The following KANSL1 variants were observed in gnomAD, a reference collection of about 807,000 sequenced individuals.
KANSL1 encodes the protein KAT8 regulatory NSL complex subunit 1, also known as MLL1/MLL complex subunit KANSL1.
Under a neutral mutation model 103.6 loss-of-function variants are expected in KANSL1, and 22 were observed. That is an observed-to-expected ratio of 0.21 (90% CI 0.15 to 0.30). KANSL1 has a LOEUF of 0.30. KANSL1 is among the 10% of genes least tolerant of loss of function. The pLI is 1.00. For synonymous variants in KANSL1, 600 were observed against 527.6 expected (o/e 1.14, Z -1.88); for missense variants, 1,337 against 1,399.8 (o/e 0.96, Z 0.72).
At chr17:46,186,241 A>C (rs1487889789) in intron 1 of KANSL1, among the ~76,000 whole-genome samples, 2 of 151,496 alleles carry the variant, frequency 1.3e-5, no homozygotes, top group South Asian at 2.1e-4. Flanking sequence ...AAATTAGCTG[A>C]GCATGATGGC....
At chr17:46,113,962 T>A (rs1308934014) in intron 2 of KANSL1, among the ~76,000 whole-genome samples, 1 of 152,188 alleles carries the variant, frequency 6.6e-6, no homozygotes, top group Non-Finnish European at 1.5e-5. Context: ...TCTCAATTTT[T>A]AAATGAGTAA....
intron 4 of KANSL1, among the ~76,000 whole-genome samples, chr17:46,068,358 GT>G (rs1568411995): frequency 6.6e-6 from 1 of 151,132 alleles, no homozygotes; most frequent in Non-Finnish European, 1.5e-5. Flanking sequence ...GAGCCCAGGG[GT>G]TCAAGACCAG....
At chr17:46,056,515 GATAA>G (rs2077936201) in intron 6 of KANSL1, among the ~76,000 whole-genome samples, 1 of 152,134 alleles carries the variant, frequency 6.6e-6, no homozygotes, top group South Asian at 2.1e-4. Flanking sequence ...TTGTTTTAAA[GATAA>G]ATAACTCACA....
chr17:46,088,676 C>G (rs2079257892), intron 3 of KANSL1: 1 of 152,508 alleles, frequency 6.6e-6, no homozygotes, highest in African/African-American at 2.4e-5. Context: ...GAGTTTGAGA[C>G]CAGCCTGGAC....
intron 2 of KANSL1, chr17:46,121,329 T>G (rs1250909974): frequency 6.6e-6 from 1 of 152,380 alleles, no homozygotes; most frequent in Admixed American, 6.5e-5. Context: ...CCTACCTCAG[T>G]TCCCTTTTCT....
intron 2 of KANSL1, among the ~76,000 whole-genome samples, chr17:46,158,093 C>A (rs1030660654): frequency 6.6e-6 from 1 of 152,216 alleles, no homozygotes; most frequent in Non-Finnish European, 1.5e-5. Flanking sequence ...ATGAAGTATT[C>A]AACTATGCTA....
chr17:46,045,290 C>T (rs973901862), intron 7 of KANSL1: 2 of 152,122 alleles, frequency 1.3e-5, no homozygotes, highest in Non-Finnish European at 2.9e-5. Flanking sequence ...TCCAAATGGA[C>T]TGCATTCTGA....
intron 6 of KANSL1, among the ~76,000 whole-genome samples, chr17:46,058,833 G>A (rs2078040428): frequency 6.7e-6 from 1 of 149,716 alleles, no homozygotes; most frequent in Admixed American, 6.7e-5. Context: ...AATATTGAAA[G>A]CTAAGATTCC....
chr17:46,075,778 A>G (rs62060838), intron 4 of KANSL1, among the ~76,000 whole-genome samples: 21,807 of 152,304 alleles, frequency 0.14, 2,133 homozygotes, highest in Non-Finnish European at 0.22. Context: ...TGAATTGGCC[A>G]AAATATCCAA....
At chr17:46,185,034 G>A (rs2046954901) in intron 1 of KANSL1, among the ~76,000 whole-genome samples, 1 of 151,964 alleles carries the variant, frequency 6.6e-6, no homozygotes, top group African/African-American at 2.4e-5. Flanking sequence ...TAGAGACAGG[G>A]TTCCACCATG....
chr17:46,148,233 C>T (rs889423578), intron 2 of KANSL1: 2 of 152,148 alleles, frequency 1.3e-5, no homozygotes, highest in East Asian at 1.9e-4. Context: ...TCTCAACAAC[C>T]GCTCCCCCGA....
At chr17:46,058,731 ACACACACACACACTCTCTCTCTCTCTCT>A (rs56935871) in intron 6 of KANSL1, among the ~76,000 whole-genome samples, 15,011 of 86,970 alleles carry the variant, frequency 0.17, 1,045 homozygotes, top group Non-Finnish European at 0.23. Flanking sequence ...ACACACACAC[ACACACACACACACTCTCTCTCTCTCTCT>A]CTCTCTCTCT....
chr17:46,051,597 A>G (rs967462502), intron 6 of KANSL1, among the ~76,000 whole-genome samples: 1 of 152,232 alleles, frequency 6.6e-6, no homozygotes, highest in African/African-American at 2.4e-5. Context: ...GTTAGGATGA[A>G]CAAGTCTGGC....
rs370191875 is a variant in KANSL1, at chr17:46,100,974, G to A, written c.1290-6273C>T. Among the ~76,000 whole-genome samples, 101 of 152,352 alleles carry A rather than the reference G, an allele frequency of 6.6e-4. 2 individuals are homozygous for A. The highest frequency in any genetic ancestry group is 2.3e-3 in the African/African-American group (94 of 41,578). On this transcript the variant is annotated intron_variant, in intron 2 of 14. Coordinates refer to ENST00000432791, the MANE Select transcript of KANSL1 (RefSeq NM_015443.4). ...AAAGTAAAATGACTGTTCACAGTGA[G>A]CTACACAGTGCTACATTCACACTGG...
chr17:46,166,498 G>C (rs1445039733), intron 2 of KANSL1, among the ~76,000 whole-genome samples: 1 of 150,630 alleles, frequency 6.6e-6, no homozygotes, highest in African/African-American at 2.4e-5. Context: ...GGCAACAAGA[G>C]CAACATTCGG....
Position 46,100,440 on chromosome 17 carries a change from T to TC in KANSL1, c.1290-5740dup, listed in dbSNP as rs144244381. Among the ~76,000 whole-genome samples the TC allele has an allele frequency of 6.8e-3, 727 of 106,920 alleles. 10 individuals are homozygous for TC. The highest frequency in any genetic ancestry group is 0.026 in the African/African-American group (692 of 27,086). 70.1% of individuals were successfully genotyped at this position (106,920 alleles called of 152,430 possible). A position where few individuals can be genotyped will look rare whatever the true frequency, so the allele number is the denominator to read the frequency against. Reference sequence around the variant, plus strand: ...CTGTACAACAGAGTGAGACTCCCTCTCCCCAAAAAAAAAAAAAAAAAGCGC... The same window carrying TC: ...CTGTACAACAGAGTGAGACTCCCTCTCCCCCAAAAAAAAAAAAAAAAAGCGC... On this transcript the variant is annotated intron_variant, in intron 2 of 14. Coordinates refer to ENST00000432791, the MANE Select transcript of KANSL1 (RefSeq NM_015443.4).
intron 8 of KANSL1, 80 bp from the exon 9 acceptor site, chr17:46,039,295 C>A: frequency 3.0e-6 from 4 of 1,336,372 alleles, no homozygotes; most frequent in Non-Finnish European, 3.0e-6. Flanking sequence ...CTCTCGAGTT[C>A]TCTCTAGGCC....
chr17:46,101,776 A>G (rs554786616), intron 2 of KANSL1, among the ~76,000 whole-genome samples: 20,781 of 149,450 alleles, frequency 0.14, 2,095 homozygotes, highest in Non-Finnish European at 0.21. Context: ...AAAAAAAAAA[A>G]AAAGAAATAA....
At chr17:46,112,700 C>G (rs931308430) in intron 2 of KANSL1, among the ~76,000 whole-genome samples, 3 of 150,986 alleles carry the variant, frequency 2.0e-5, no homozygotes, top group African/African-American at 7.3e-5. Flanking sequence ...CAAAACAAAA[C>G]AAAACAAAAA....
Sources: allele counts gnomAD v4.1 joint callset (sites outside exome capture counted in the v4.1 genomes callset), GRCh38; gene constraint gnomAD v4.1.1; transcripts MANE v1.5; gene names NCBI Gene and HGNC (gene_info 2026-07-23, HGNC 2026-07-21).